The following DAPK2 variants were observed in gnomAD, a reference collection of about 807,000 sequenced individuals.
DAPK2 encodes the protein death associated protein kinase 2, also known as death-associated protein kinase 2.
In DAPK2, 35 loss-of-function variants were observed where a neutral mutation model predicts 44.1. That is an observed-to-expected ratio of 0.79 (90% CI 0.61 to 1.05). The LOEUF (loss-of-function observed/expected upper bound fraction) is 1.05, where lower values mean the gene tolerates loss of function less well. Ranked by LOEUF, DAPK2 falls within the 50% of genes least tolerant of loss-of-function variation. DAPK2 has a pLI of 0.00. For synonymous variants in DAPK2, 174 were observed against 182.6 expected, an observed-to-expected ratio of 0.95 and a Z score of 0.38; for missense variants, 453 against 483.2, an observed-to-expected ratio of 0.94 and a Z score of 0.59.
intron 3 of DAPK2, among the ~76,000 whole-genome samples, chr15:63,970,362 C>T (rs58666381): frequency 0.11 from 16,621 of 152,112 alleles, 1,532 homozygotes; most frequent in African/African-American, 0.25. Flanking sequence ...GCCTTTCTTC[C>T]TTATAAGGCC....
intron 8 of DAPK2, chr15:63,922,736 T>A (rs1297665226): frequency 6.6e-7 from 1 of 1,515,066 alleles, no homozygotes; most frequent in Non-Finnish European, 8.8e-7. Flanking sequence ...TTCTGGCGAT[T>A]AGAGCTTCCA....
chr15:64,025,917 G>C (rs2079828024), intron 1 of DAPK2, among the ~76,000 whole-genome samples: 1 of 152,202 alleles, frequency 6.6e-6, no homozygotes, highest in African/African-American at 2.4e-5. Flanking sequence ...CAAATTGATT[G>C]GAAACATTCC....
chr15:63,973,971 C>T (rs1458940766), intron 2 of DAPK2, among the ~76,000 whole-genome samples: 1 of 152,136 alleles, frequency 6.6e-6, no homozygotes, highest in Non-Finnish European at 1.5e-5. Flanking sequence ...TAAAAGATGG[C>T]CCCTTTATGG....
rs144211569 is a variant in DAPK2, at chr15:63,951,061, C to T, written c.454-11700G>A. Among the ~76,000 whole-genome samples, 131 of 152,300 alleles carry T rather than the reference C, an allele frequency of 8.6e-4. 4 individuals carry two copies. Among genetic ancestry groups the T allele is most frequent in the African/African-American group, 3.0e-3 (125 of 41,564 alleles). ...TGTTTATATAAAGCAATTCCCCCCTCCCCGGGGTTCTGGATTCCTGGCCTG... is the reference window on the plus strand; with the variant it reads ...TGTTTATATAAAGCAATTCCCCCCTTCCCGGGGTTCTGGATTCCTGGCCTG... On this transcript the variant is annotated intron_variant, in intron 3 of 10. Transcript: ENST00000261891.
At chr15:63,994,506 CA>C (rs2078899315) in intron 1 of DAPK2, among the ~76,000 whole-genome samples, 1 of 147,318 alleles carries the variant, frequency 6.8e-6, no homozygotes, top group Non-Finnish European at 1.5e-5. Context: ...TCCTTAGTCC[CA>C]CCTTTCTAAG....
chr15:64,018,708 G>A lies in DAPK2; in HGVS notation c.92+21462C>T, dbSNP rs117814306. The stretch of plus-strand genomic sequence containing the variant: ...GCCAGGATCCTACCTGTAGCTACTC[G>A]CCCAGCTTTTACACCTGGGGCTGCC... On this transcript the variant is annotated intron_variant, in intron 1 of 10. Coordinates refer to ENST00000261891, the Ensembl canonical transcript of DAPK2. Among the ~76,000 whole-genome samples, 622 of 152,310 alleles carry A rather than the reference G, an allele frequency of 4.1e-3. 2 individuals are homozygous for A. Among genetic ancestry groups the A allele is most frequent in the Non-Finnish European group, 7.3e-3 (494 of 68,034 alleles).
At chr15:63,945,284 C>T (rs2077419929) in intron 3 of DAPK2, among the ~76,000 whole-genome samples, 1 of 152,234 alleles carries the variant, frequency 6.6e-6, no homozygotes, top group Non-Finnish European at 1.5e-5. Flanking sequence ...GGTGATGCCA[C>T]TTTCCTGGGT....
At chr15:64,039,101 C>G (rs548220028) in intron 1 of DAPK2, among the ~76,000 whole-genome samples, 2 of 152,340 alleles carry the variant, frequency 1.3e-5, no homozygotes, top group African/African-American at 4.8e-5. Context: ...TCTCCAGTCT[C>G]CAACCAAACT....
rs2079161016 is a variant in DAPK2, at chr15:63,923,851, A to G, written c.858+965T>C. On this transcript the variant is annotated intron_variant, in intron 8 of 10. Coordinates refer to ENST00000261891, the Ensembl canonical transcript of DAPK2. The surrounding 1 kb of genome is among the most constrained non-coding windows in gnomAD (Gnocchi z 4.2). ...ACCTTCTCTTTGTATTGATTGATTG[A>G]TTATTATTTTTTAGAGAGATGGGGT... is the stretch of plus-strand genomic sequence containing the variant. Among the ~76,000 whole-genome samples the G allele has an allele frequency of 6.6e-6, 1 of 151,960 alleles. No individual in the cohort carries two copies. Among genetic ancestry groups the G allele is most frequent in the Non-Finnish European group, 1.5e-5 (1 of 67,974 alleles).
intron 3 of DAPK2, among the ~76,000 whole-genome samples, chr15:63,959,100 T>G: frequency 6.6e-6 from 1 of 152,242 alleles, no homozygotes; most frequent in South Asian, 2.1e-4. Flanking sequence ...CTAGGCATTT[T>G]ATTCTCTTTG....
intron 4 of DAPK2, among the ~76,000 whole-genome samples, chr15:63,930,968 G>A (rs1394976695): frequency 6.6e-6 from 1 of 152,152 alleles, no homozygotes; most frequent in Non-Finnish European, 1.5e-5. Context: ...AGAGGCTGAG[G>A]TGGGAGGATT....
chr15:63,965,234 T>C (rs2078021538), intron 3 of DAPK2, among the ~76,000 whole-genome samples: 1 of 152,248 alleles, frequency 6.6e-6, no homozygotes, highest in African/African-American at 2.4e-5. Context: ...TTGGTAGTTT[T>C]GGATAAGATC....
At chr15:63,997,473 T>A (rs1295504412) in intron 1 of DAPK2, among the ~76,000 whole-genome samples, 1 of 152,160 alleles carries the variant, frequency 6.6e-6, no homozygotes, top group Non-Finnish European at 1.5e-5. Context: ...TGGGACTACA[T>A]GTGCCCGCCA....
chr15:63,983,682 CTT>C lies in DAPK2; in HGVS notation c.163_164del (p.Lys55GlufsTer39). On this transcript the variant is annotated frameshift_variant, in exon 2 of 11. Transcript: ENST00000261891. LOFTEE classifies it high-confidence loss of function. ...GCCGGCTCGCCCGGCTCTGCCGCTTCTTGATGAACTTGGCTGCATACTCAAGC... is the reference window on the plus strand; with the variant it reads ...GCCGGCTCGCCCGGCTCTGCCGCTTCGATGAACTTGGCTGCATACTCAAGC... The C allele has an allele frequency of 6.2e-7, 1 of 1,613,938 alleles. No individual in the cohort carries two copies. The highest frequency in any genetic ancestry group is 8.5e-7 in the Non-Finnish European group (1 of 1,180,036).
rs1318130311 is a variant in DAPK2, at chr15:63,939,414, A to G, written c.454-53T>C. 7 of 1,548,752 alleles carry G rather than the reference A, an allele frequency of 4.5e-6. No homozygotes were observed. Among genetic ancestry groups the G allele is most frequent in the Non-Finnish European group, 5.2e-6 (6 of 1,153,194 alleles). ...AAAGGAAGGAAGAAAAGAAAAAAAAAGACGGTAATTAAAGGCTGGTTGGTT... is the reference window on the plus strand; with the variant it reads ...AAAGGAAGGAAGAAAAGAAAAAAAAGGACGGTAATTAAAGGCTGGTTGGTT... On this transcript the variant is annotated intron_variant, in intron 3 of 10. Transcript: ENST00000261891. This position sits in a 1 kb window ranked among gnomAD's most constrained non-coding sequence, Gnocchi z 4.3.
chr15:63,920,614 G>A (rs1158316539), intron 8 of DAPK2: 1 of 152,188 alleles, frequency 6.6e-6, no homozygotes, highest in African/African-American at 2.4e-5. Flanking sequence ...AAAGGAGACA[G>A]GATTCTGAAG....
At chr15:63,981,375 T>G (rs962246985) in intron 2 of DAPK2, among the ~76,000 whole-genome samples, 22 of 152,126 alleles carry the variant, frequency 1.4e-4, no homozygotes, top group Admixed American at 3.3e-4. Context: ...TACCTTTTCC[T>G]TATAAATTAA....
At position 64,003,010 on chromosome 15, in the gene DAPK2, G is replaced by GTGTGTGTGTGTGTGTT. The variant is rs1314879276; in HGVS notation, c.93-19257_93-19256insAACACACACACACACA. ...TGTGTGTGTGTGTGTGTGTGTGTGT[G>GTGTGTGTGTGTGTGTT]TGTGTCGTGGGACCAGAGGTGGTGG... On this transcript the variant is annotated intron_variant, in intron 1 of 10. Coordinates refer to ENST00000261891, the Ensembl canonical transcript of DAPK2. Among the ~76,000 whole-genome samples the GTGTGTGTGTGTGTGTT allele has an allele frequency of 5.2e-3, 725 of 140,446 alleles. 42 individuals carry two copies. The highest frequency in any genetic ancestry group is 0.037 in the South Asian group (125 of 3,420). 92.1% of individuals were successfully genotyped at this position (140,446 alleles called of 152,430 possible).
chr15:63,982,187 C>T (rs368597750), intron 2 of DAPK2, among the ~76,000 whole-genome samples: 72 of 107,804 alleles, frequency 6.7e-4, no homozygotes, highest in South Asian at 9.3e-4. Context: ...TCAGAATATT[C>T]TTTTTTTTTT....
Sources: allele counts gnomAD v4.1 joint callset (sites outside exome capture counted in the v4.1 genomes callset), GRCh38; gene constraint gnomAD v4.1.1; non-coding constraint Gnocchi (gnomAD v3.1); transcripts MANE v1.5; gene names NCBI Gene and HGNC (gene_info 2026-07-23, HGNC 2026-07-21).